The following CLDN16 variants were observed in gnomAD, a reference collection of about 807,000 sequenced individuals.
The protein encoded by CLDN16 is claudin 16.
CLDN16 carries 13 observed loss-of-function variants against 24.6 expected under a neutral mutation model. That is an observed-to-expected ratio of 0.53 (90% CI 0.34 to 0.84). The LOEUF (loss-of-function observed/expected upper bound fraction) is 0.84. Ranked by LOEUF, CLDN16 falls within the 40% of genes least tolerant of loss-of-function variation. CLDN16 has a pLI of 0.01. For missense variants in CLDN16, 298 were observed against 292.7 expected, an observed-to-expected ratio of 1.02 and a Z score of -0.13; for synonymous variants, 116 against 106.7, an observed-to-expected ratio of 1.09 and a Z score of -0.54.
chr3:190,358,566 G>T (rs1411391897), intron 1 of CLDN16, among the ~76,000 whole-genome samples: 1 of 151,956 alleles, frequency 6.6e-6, no homozygotes, highest in Non-Finnish European at 1.5e-5. Flanking sequence ...AACAGCAATT[G>T]TAGGATGATT....
At chr3:190,395,171 T>C (rs1718785604) in intron 1 of CLDN16, among the ~76,000 whole-genome samples, 1 of 152,076 alleles carries the variant, frequency 6.6e-6, no homozygotes, top group East Asian at 1.9e-4. Flanking sequence ...TTCAGATATA[T>C]AACGTAGGTC....
At chr3:190,329,450 C>T (rs1368146309) in intron 1 of CLDN16, among the ~76,000 whole-genome samples, 1 of 152,116 alleles carries the variant, frequency 6.6e-6, no homozygotes, top group Non-Finnish European at 1.5e-5. Flanking sequence ...CAGTTTTAGC[C>T]ATTTCAGAGA....
At chr3:190,365,186 A>G (rs1279310842) in intron 1 of CLDN16, among the ~76,000 whole-genome samples, 2 of 151,780 alleles carry the variant, frequency 1.3e-5, no homozygotes, top group African/African-American at 4.8e-5. Flanking sequence ...TACAATCATT[A>G]TATGTCCTTG....
chr3:190,348,280 C>CCA (rs1717597420), intron 1 of CLDN16, among the ~76,000 whole-genome samples: 1 of 76,986 alleles, frequency 1.3e-5, no homozygotes, highest in Non-Finnish European at 2.2e-5. Context: ...AAGAATAAAT[C>CCA]AAAAAAAAAA....
intron 1 of CLDN16, among the ~76,000 whole-genome samples, chr3:190,391,760 C>A (rs890480010): frequency 1.3e-5 from 2 of 152,120 alleles, no homozygotes; most frequent in African/African-American, 4.8e-5. Flanking sequence ...AAATGAAGTT[C>A]TTCGTATTAG....
chr3:190,300,933 A>T, the CLDN16 span, among the ~76,000 whole-genome samples: 13,219 of 152,218 alleles, frequency 0.087, 587 homozygotes, highest in Non-Finnish European at 0.096. Context: ...AAGAATGAAA[A>T]ATTTGAGAGA....
At position 190,366,623 on chromosome 3, in the gene CLDN16, C is replaced by A. The variant is rs187963198; in HGVS notation, n.122-4270C>A. Among the ~76,000 whole-genome samples, 34 of 151,992 alleles carry A rather than the reference C, an allele frequency of 2.2e-4. 1 individual carries two copies. Among genetic ancestry groups the A allele is most frequent in the African/African-American group, 8.2e-4 (34 of 41,514 alleles). On this transcript the variant is annotated intron_variant and non_coding_transcript_variant, in intron 1 of 4. Coordinates refer to the CLDN16 transcript ENST00000468220. The stretch of plus-strand genomic sequence containing the variant: ...GAAAAGTTAAACTTTGATACACTTA[C>A]AAAAACACCTTGGCCAATCCCCCAT...
At chr3:190,362,565 A>T (rs1577409904) in intron 1 of CLDN16, among the ~76,000 whole-genome samples, 1 of 151,730 alleles carries the variant, frequency 6.6e-6, no homozygotes, top group Non-Finnish European at 1.5e-5. Context: ...TGTTTGAATT[A>T]CTCTTTCTCC....
At chr3:190,350,007 G>A (rs949467652) in intron 1 of CLDN16, among the ~76,000 whole-genome samples, 9 of 152,100 alleles carry the variant, frequency 5.9e-5, no homozygotes, top group African/African-American at 9.7e-5. Context: ...AATGACTGAT[G>A]TACTAATCTT....
intron 1 of CLDN16, among the ~76,000 whole-genome samples, chr3:190,337,372 C>A (rs936451775): frequency 6.6e-6 from 1 of 152,182 alleles, no homozygotes; most frequent in South Asian, 2.1e-4. Context: ...AAGAAGAACT[C>A]ACCATTACGT....
the CLDN16 span, among the ~76,000 whole-genome samples, chr3:190,291,907 C>T: frequency 7.9e-3 from 1,209 of 152,274 alleles, 21 homozygotes; most frequent in African/African-American, 0.028. Context: ...CCATGTCTCA[C>T]GTCCAGGGCA....
intron 1 of CLDN16, among the ~76,000 whole-genome samples, chr3:190,357,519 C>T (rs948330182): frequency 6.6e-6 from 1 of 151,764 alleles, no homozygotes; most frequent in Admixed American, 6.6e-5. Flanking sequence ...CTTGAGGGAT[C>T]TTTCTAAACT....
intron 1 of CLDN16, among the ~76,000 whole-genome samples, chr3:190,368,139 T>C (rs888948103): frequency 8.6e-5 from 13 of 151,986 alleles, no homozygotes; most frequent in African/African-American, 2.4e-4. Flanking sequence ...CATCCTGGGA[T>C]AGCCCTGTGT....
chr3:190,379,971 C>CTCTGTCTATCTATTTA (rs1553806894), intron 3 of CLDN16, among the ~76,000 whole-genome samples: 1 of 70,054 alleles, frequency 1.4e-5, no homozygotes, highest in African/African-American at 6.3e-5. Flanking sequence ...TGTCTATCAA[C>CTCTGTCTATCTATTTA]TCTGTCTATC....
the CLDN16 span, among the ~76,000 whole-genome samples, chr3:190,294,148 G>A: frequency 6.6e-6 from 1 of 152,156 alleles, no homozygotes; most frequent in Admixed American, 6.6e-5. Context: ...AGCTAGGGCA[G>A]AGTTTTGTGC....
chr3:190,303,162 C>A, the CLDN16 span, among the ~76,000 whole-genome samples: 5 of 152,170 alleles, frequency 3.3e-5, no homozygotes, highest in Non-Finnish European at 7.4e-5. Flanking sequence ...ACTGCCCTTG[C>A]TGCATTGAAG....
intron 1 of CLDN16, among the ~76,000 whole-genome samples, chr3:190,389,996 C>T (rs1241233757): frequency 6.6e-6 from 1 of 152,088 alleles, no homozygotes; most frequent in Non-Finnish European, 1.5e-5. Flanking sequence ...AAGGGTCAAA[C>T]CTTGCTGAGA....
intron 1 of CLDN16, among the ~76,000 whole-genome samples, chr3:190,394,753 A>ATCTC (rs1654258462): frequency 6.6e-6 from 1 of 152,142 alleles, no homozygotes; most frequent in Admixed American, 6.5e-5. Context: ...ATTATTGAAA[A>ATCTC]TCTCACATTG....
upstream of CLDN16, among the ~76,000 whole-genome samples, chr3:190,384,044 G>A (rs1290792296): frequency 6.6e-6 from 1 of 152,126 alleles, no homozygotes; most frequent in Admixed American, 6.6e-5. Context: ...CTCAAGATCT[G>A]TCATATATAA....
Sources: gnomAD v4.1 joint callset for allele counts (sites outside exome capture counted in the v4.1 genomes callset) on GRCh38, gnomAD v4.1.1 for gene constraint, MANE v1.5 for transcripts, NCBI Gene and HGNC (gene_info 2026-07-23, HGNC 2026-07-21) for gene names.